UBE3D: variants seen among roughly 807,000 people sequenced by gnomAD.
UBE3D encodes E3 ubiquitin-protein ligase E3D.
UBE3D carries 48 observed loss-of-function variants against 49.6 expected under a neutral mutation model. The observed-to-expected ratio is 0.97, with a 90% CI of 0.77 to 1.23. The LOEUF (loss-of-function observed/expected upper bound fraction) is 1.23. UBE3D is among the 50% of genes most tolerant of loss of function. The pLI is 0.00. For synonymous variants in UBE3D, 189 were observed against 174.2 expected (o/e 1.08, Z -0.67); for missense variants, 452 against 468.4 (o/e 0.96, Z 0.32).
chr6:82,906,673 G>A (rs1444647192), intron 9 of UBE3D, among the ~76,000 whole-genome samples: 1 of 152,106 alleles, frequency 6.6e-6, no homozygotes, highest in Non-Finnish European at 1.5e-5. Flanking sequence ...AAAGCACTTT[G>A]AACACTTAAC....
intron 9 of UBE3D, among the ~76,000 whole-genome samples, chr6:82,948,713 T>C (rs1038877896): frequency 6.6e-5 from 10 of 152,038 alleles, no homozygotes; most frequent in Admixed American, 3.9e-4. Flanking sequence ...ATTCAAAATA[T>C]ACAAATCACT....
intron 9 of UBE3D, among the ~76,000 whole-genome samples, chr6:82,929,585 G>A (rs1438207945): frequency 6.6e-6 from 1 of 151,668 alleles, no homozygotes; most frequent in Non-Finnish European, 1.5e-5. Context: ...TCTGGTTGGG[G>A]GGGTGGGGAG....
intron 9 of UBE3D, among the ~76,000 whole-genome samples, chr6:82,916,205 C>G (rs574848987): frequency 2.6e-5 from 4 of 152,246 alleles, no homozygotes; most frequent in African/African-American, 9.6e-5. Flanking sequence ...AATTTCACAC[C>G]ACACCTGTCC....
intron 5 of UBE3D, among the ~76,000 whole-genome samples, chr6:83,025,865 A>G (rs538260808): frequency 6.9e-6 from 1 of 145,686 alleles, no homozygotes; most frequent in African/African-American, 2.6e-5. Flanking sequence ...CCTGGGCGAC[A>G]GAACGTGACT....
At chr6:82,909,371 G>C (rs1195687791) in intron 9 of UBE3D, among the ~76,000 whole-genome samples, 3 of 152,140 alleles carry the variant, frequency 2.0e-5, no homozygotes, top group Non-Finnish European at 1.5e-5. Flanking sequence ...CTTTCTGCCA[G>C]TGATTTTCAG....
At chr6:82,988,687 A>G (rs1429681664) in intron 8 of UBE3D, among the ~76,000 whole-genome samples, 2 of 152,176 alleles carry the variant, frequency 1.3e-5, no homozygotes, top group Non-Finnish European at 2.9e-5. Context: ...TGTATAAAAC[A>G]TACATATGTT....
intron 9 of UBE3D, among the ~76,000 whole-genome samples, chr6:82,912,849 AC>A (rs1291485959): frequency 4.6e-5 from 7 of 151,974 alleles, no homozygotes; most frequent in Admixed American, 1.3e-4. Context: ...ACAACAAACA[AC>A]CTTTTTTTTA....
At chr6:82,993,138 GAGAC>G (rs1779012510) in intron 8 of UBE3D, among the ~76,000 whole-genome samples, 1 of 150,986 alleles carries the variant, frequency 6.6e-6, no homozygotes. Context: ...GAGAGAGAGA[GAGAC>G]AGAGAGAGAG....
chr6:82,931,940 C>T (rs1205008406), intron 9 of UBE3D, among the ~76,000 whole-genome samples: 1 of 152,016 alleles, frequency 6.6e-6, no homozygotes, highest in African/African-American at 2.4e-5. Flanking sequence ...TGGGAGGGAC[C>T]CGGTGTGAGG....
At chr6:82,893,368 T>TGC (rs1352860220) in intron 9 of UBE3D, among the ~76,000 whole-genome samples, 1 of 152,182 alleles carries the variant, frequency 6.6e-6, no homozygotes, top group African/African-American at 2.4e-5. Flanking sequence ...GGACCTTCCA[T>TGC]ATTTAGAATT....
At chr6:83,050,797 G>A (rs764213657) in intron 3 of UBE3D, among the ~76,000 whole-genome samples, 14 of 146,994 alleles carry the variant, frequency 9.5e-5, no homozygotes, top group Admixed American at 2.2e-4. Flanking sequence ...AAGAGTTACA[G>A]GTAAGCAAAG....
At chr6:83,007,853 G>C (rs1780083825) in intron 8 of UBE3D, among the ~76,000 whole-genome samples, 2 of 152,168 alleles carry the variant, frequency 1.3e-5, no homozygotes, top group South Asian at 4.1e-4. Context: ...GCTGAGGTGG[G>C]AGGATCACTT....
chr6:83,004,258 A>T (rs1779821446), intron 8 of UBE3D, among the ~76,000 whole-genome samples: 1 of 152,166 alleles, frequency 6.6e-6, no homozygotes, highest in Admixed American at 6.5e-5. Context: ...TACCAGGAGA[A>T]TTTCTCTTGA....
chr6:82,975,005 A>T (rs1010552866), intron 8 of UBE3D, among the ~76,000 whole-genome samples: 11 of 152,150 alleles, frequency 7.2e-5, no homozygotes, highest in Non-Finnish European at 1.3e-4. Context: ...AAAATAACAA[A>T]AATACAATAA....
chr6:82,909,172 C>A (rs1772320260), intron 9 of UBE3D, among the ~76,000 whole-genome samples: 1 of 152,162 alleles, frequency 6.6e-6, no homozygotes, highest in Non-Finnish European at 1.5e-5. Context: ...TTCCTGATAA[C>A]AAGTTAAAAG....
chr6:82,978,686 A>C (rs1019080509), intron 8 of UBE3D, among the ~76,000 whole-genome samples: 7 of 152,190 alleles, frequency 4.6e-5, no homozygotes, highest in Non-Finnish European at 1.0e-4. Context: ...ATTATGATAA[A>C]TCACCATGAA....
chr6:83,042,508 T>C (rs1747936888), intron 4 of UBE3D, among the ~76,000 whole-genome samples: 1 of 152,178 alleles, frequency 6.6e-6, no homozygotes, highest in African/African-American at 2.4e-5. Flanking sequence ...TCTTCACCTA[T>C]CCTTCAAGGA....
intron 8 of UBE3D, among the ~76,000 whole-genome samples, chr6:82,992,578 A>G (rs913660547): frequency 7.9e-5 from 12 of 152,294 alleles, no homozygotes; most frequent in African/African-American, 2.2e-4. Context: ...GAATTTCCCA[A>G]TGGAAATGTG....
chr6:82,909,582 G>A (rs1407271379), intron 9 of UBE3D, among the ~76,000 whole-genome samples: 1 of 152,150 alleles, frequency 6.6e-6, no homozygotes. Flanking sequence ...TTTAACATAA[G>A]CATTCACATC....
Sources: gnomAD v4.1 joint callset for allele counts (sites outside exome capture counted in the v4.1 genomes callset) on GRCh38, gnomAD v4.1.1 for gene constraint, MANE v1.5 for transcripts, NCBI Gene and HGNC (gene_info 2026-07-23, HGNC 2026-07-21) for gene names.